FARP1: variants seen among roughly 807,000 people sequenced by gnomAD.
The protein encoded by FARP1 is FERM, ARH/RhoGEF and pleckstrin domain protein 1.
In FARP1, 52 loss-of-function variants were observed where a neutral mutation model predicts 128.8. That is an observed-to-expected ratio of 0.40 (90% CI 0.32 to 0.51). The LOEUF is 0.51. FARP1 is among the 20% of genes least tolerant of loss of function. FARP1 has a pLI of 0.45. For synonymous variants in FARP1, 580 were observed against 551.8 expected (o/e 1.05, Z -0.72); for missense variants, 1,333 against 1,367.9 (o/e 0.97, Z 0.40).
At chr13:98,276,234 C>G (rs1399113979) in intron 2 of FARP1, among the ~76,000 whole-genome samples, 1 of 152,042 alleles carries the variant, frequency 6.6e-6, no homozygotes, top group East Asian at 1.9e-4. Flanking sequence ...AGAACAAGAC[C>G]CATTTCTCAA....
At chr13:98,387,765 A>G (rs1355339413) in intron 8 of FARP1, among the ~76,000 whole-genome samples, 1 of 152,194 alleles carries the variant, frequency 6.6e-6, no homozygotes, top group Non-Finnish European at 1.5e-5. Flanking sequence ...TCCCATCCTC[A>G]GTTCTACCGG....
intron 2 of FARP1, among the ~76,000 whole-genome samples, chr13:98,291,858 C>T (rs767362734): frequency 2.6e-5 from 4 of 152,194 alleles, no homozygotes; most frequent in Non-Finnish European, 5.9e-5. Flanking sequence ...CAAGTTGACA[C>T]CATCTGGCCC....
chr13:98,224,555 AAAG>A (rs1432133029), intron 2 of FARP1, among the ~76,000 whole-genome samples: 2 of 149,642 alleles, frequency 1.3e-5, no homozygotes, highest in African/African-American at 2.5e-5. Flanking sequence ...AGAAAAAAAA[AAAG>A]AAAACACAAA....
chr13:98,297,808 C>T (rs574406874), intron 2 of FARP1, among the ~76,000 whole-genome samples: 99 of 152,256 alleles, frequency 6.5e-4, no homozygotes, highest in African/African-American at 2.3e-3. Flanking sequence ...ATGGAGTCTT[C>T]AGTGCTGTTT....
At position 98,197,526 on chromosome 13, in the gene FARP1, A is replaced by G. The variant is rs139205938; in HGVS notation, c.-23-15694A>G. Among the ~76,000 whole-genome samples the G allele has an allele frequency of 2.0e-3, 308 of 152,304 alleles. 1 individual carries two copies. The highest frequency in any genetic ancestry group is 6.9e-3 in the African/African-American group (288 of 41,574). Reference sequence around the variant, plus strand: ...AGATGTCTGTGGATGATAACACAGGATGCAGGTAACATTTACATTTTGGCA... The same window carrying G: ...AGATGTCTGTGGATGATAACACAGGGTGCAGGTAACATTTACATTTTGGCA... On this transcript the variant is annotated intron_variant, in intron 1 of 26. Transcript: ENST00000319562.
intron 2 of FARP1, among the ~76,000 whole-genome samples, chr13:98,278,978 A>G (rs1220447425): frequency 1.4e-5 from 2 of 146,698 alleles, no homozygotes; most frequent in Non-Finnish European, 3.0e-5. Context: ...GGCACCTGCC[A>G]CCACGCCCTG....
chr13:98,244,609 G>C, intron 2 of FARP1: 1 of 1,614,172 alleles, frequency 6.2e-7, no homozygotes, highest in Non-Finnish European at 8.5e-7. Flanking sequence ...GGAGAGGACA[G>C]AATTCTCACT....
chr13:98,245,956 T>C (rs1883027676), intron 2 of FARP1, among the ~76,000 whole-genome samples: 1 of 151,686 alleles, frequency 6.6e-6, no homozygotes, highest in Admixed American at 6.6e-5. Flanking sequence ...TTTTATATTT[T>C]AGTAGAGACG....
intron 2 of FARP1, among the ~76,000 whole-genome samples, chr13:98,254,928 T>C (rs1229933594): frequency 6.7e-6 from 1 of 149,920 alleles, no homozygotes; most frequent in Non-Finnish European, 1.5e-5. Context: ...TACAAGATCC[T>C]TTTGTGGCAT....
intron 13 of FARP1, chr13:98,406,308 T>C (rs1188119294): frequency 6.6e-6 from 1 of 152,248 alleles, no homozygotes; most frequent in African/African-American, 2.4e-5. Flanking sequence ...TCGGATTGTT[T>C]ATCTTGCAAA....
chr13:98,316,469 C>T (rs1472233427), intron 2 of FARP1, among the ~76,000 whole-genome samples: 3 of 152,222 alleles, frequency 2.0e-5, no homozygotes, highest in African/African-American at 7.2e-5. Context: ...CCATGCGTGG[C>T]AGATCCTCTG....
intron 2 of FARP1, among the ~76,000 whole-genome samples, chr13:98,228,433 T>TAA (rs59873385): frequency 6.8e-6 from 1 of 146,574 alleles, no homozygotes; most frequent in Non-Finnish European, 1.5e-5. Flanking sequence ...AAATCACAAT[T>TAA]AAAAAAAAAA....
intron 24 of FARP1, chr13:98,445,748 T>G: frequency 1.2e-5 from 2 of 172,136 alleles, no homozygotes; most frequent in Non-Finnish European, 1.2e-5. Flanking sequence ...TCCCGTTGGA[T>G]TTAGGGCCCA....
chr13:98,219,151 TG>T (rs1881270240), intron 2 of FARP1, among the ~76,000 whole-genome samples: 1 of 152,218 alleles, frequency 6.6e-6, no homozygotes, highest in African/African-American at 2.4e-5. Context: ...AGGTGTCCAC[TG>T]GTGACAGATT....
rs530511276 is a variant in FARP1, at chr13:98,236,227, C to T, written c.171+22814C>T. On this transcript the variant is annotated intron_variant, in intron 2 of 26. Coordinates refer to ENST00000319562, the MANE Select transcript of FARP1 (RefSeq NM_005766.4). ...CATGGCATTTTTTCTTCTTCAAAAA[C>T]CTTGATTTGTAGCCGGGAAAAAGTG... Among the ~76,000 whole-genome samples, 49 of 152,216 alleles carry T rather than the reference C, an allele frequency of 3.2e-4. 1 individual carries two copies. The Middle Eastern group carries it at 0.02, about 63-fold the overall frequency.
intron 3 of FARP1, among the ~76,000 whole-genome samples, chr13:98,351,334 C>T (rs553942595): frequency 1.1e-4 from 17 of 152,240 alleles, no homozygotes; most frequent in Admixed American, 9.8e-4. Flanking sequence ...GAGGTTTGGC[C>T]GGGCGCGGTG....
chr13:98,314,768 C>T (rs1225208926), intron 2 of FARP1, among the ~76,000 whole-genome samples: 1 of 152,190 alleles, frequency 6.6e-6, no homozygotes, highest in Non-Finnish European at 1.5e-5. Context: ...ACGAATAACC[C>T]AGCTCTTGTG....
chr13:98,147,674 G>C (rs1282909132), intron 1 of FARP1, among the ~76,000 whole-genome samples: 1 of 151,636 alleles, frequency 6.6e-6, no homozygotes, highest in Non-Finnish European at 1.5e-5. Context: ...AAATTATTGT[G>C]TTCTGTTTTC....
chr13:98,277,678 G>C (rs142925174), intron 2 of FARP1, among the ~76,000 whole-genome samples: 1 of 152,162 alleles, frequency 6.6e-6, no homozygotes, highest in Non-Finnish European at 1.5e-5. Flanking sequence ...AGAGTCAGCC[G>C]AGTGAGTCTC....
Sources: allele counts gnomAD v4.1 joint callset (sites outside exome capture counted in the v4.1 genomes callset), GRCh38; gene constraint gnomAD v4.1.1; transcripts MANE v1.5; gene names NCBI Gene and HGNC (gene_info 2026-07-23, HGNC 2026-07-21).